PCDHGB1: variants seen among roughly 807,000 people sequenced by gnomAD.
PCDHGB1 encodes the protein protocadherin gamma subfamily B, 1, also known as protocadherin gamma-B1.
In PCDHGB1, 34 loss-of-function variants were observed where a neutral mutation model predicts 56.6. The ratio of observed to expected loss-of-function variants is 0.60; its 90% CI spans 0.46 to 0.80. The LOEUF (loss-of-function observed/expected upper bound fraction) is 0.80. Among genes scored for constraint, PCDHGB1 ranks in the 30% least tolerant of loss-of-function variants. The pLI, the probability that PCDHGB1 is intolerant of heterozygous loss-of-function variation, is 0.00. For synonymous variants in PCDHGB1, 561 were observed against 505.9 expected (o/e 1.11, Z -1.46); for missense variants, 1,278 against 1,204.6 (o/e 1.06, Z -0.90).
intron 1 of PCDHGB1, among the ~76,000 whole-genome samples, chr5:141,479,053 A>G (rs534968614): frequency 9.2e-5 from 14 of 152,334 alleles, no homozygotes; most frequent in African/African-American, 3.1e-4. Context: ...TCATTCTCAG[A>G]TAATTTTTTA....
intron 1 of PCDHGB1, among the ~76,000 whole-genome samples, chr5:141,407,687 G>A (rs866314437): frequency 1.3e-5 from 2 of 152,126 alleles, no homozygotes; most frequent in African/African-American, 2.4e-5. Context: ...TGGCTTTGTG[G>A]TGATCATTGT....
At chr5:141,495,269 CGGAGGAGGCG>C (rs2099759953) in intron 2 of PCDHGB1, among the ~76,000 whole-genome samples, 1 of 152,180 alleles carries the variant, frequency 6.6e-6, no homozygotes, top group Non-Finnish European at 1.5e-5. Context: ...AGCATTTGAC[CGGAGGAGGCG>C]GTCCGCACTC....
rs192741775 is a variant in PCDHGB1, at chr5:141,428,173, C to A, written c.2410-66634C>A. The A allele has an allele frequency of 3.2e-4, 487 of 1,514,722 alleles. 1 individual carries two copies. In the Middle Eastern group the frequency reaches 7.1e-3, roughly 22 times the overall value. The allele number at this position is 1,514,722 out of a possible 1,614,324, so 93.8% of individuals were successfully genotyped here. On this transcript the variant is annotated intron_variant, in intron 1 of 3. Transcript: ENST00000523390. The stretch of plus-strand genomic sequence containing the variant: ...GGAACCTGCTGGTTGCTGTGCGTGA[C>A]GGAGGACAGCCGCCGCTCTCTGCGC...
intron 2 of PCDHGB1, 117 bp downstream of exon 2, chr5:141,494,982 G>T: frequency 1.3e-6 from 2 of 1,563,940 alleles, no homozygotes; most frequent in Non-Finnish European, 1.7e-6. Flanking sequence ...CTCAGTTTGA[G>T]ATCCCAGGGA....
rs777990962 is a variant in PCDHGB1, at chr5:141,431,580, A to T, written c.2410-63227A>T. ...GCTACCGACCCTGACGAAGGAGTCA[A>T]TGCGGAAGTGAGGTATTCCTTCCGG... is the stretch of plus-strand genomic sequence containing the variant. On this transcript the variant is annotated intron_variant, in intron 1 of 3. Coordinates refer to ENST00000523390, the MANE Select transcript of PCDHGB1 (RefSeq NM_018922.3). The surrounding 1 kb of genome is among the most constrained non-coding windows in gnomAD (Gnocchi z 4.8). The T allele has an allele frequency of 6.2e-7, 1 of 1,614,216 alleles. No individual in the cohort carries two copies.
intron 1 of PCDHGB1, chr5:141,430,824 C>T: frequency 6.5e-7 from 1 of 1,547,704 alleles, no homozygotes; most frequent in Non-Finnish European, 8.7e-7. Flanking sequence ...CTCCTGGGGA[C>T]TCTGTGGGAG....
Position 141,491,883 on chromosome 5 carries a change from G to T in PCDHGB1, c.2410-2924G>T. On this transcript the variant is annotated intron_variant, in intron 1 of 3. Transcript: ENST00000523390. The surrounding 1 kb of genome is among the most constrained non-coding windows in gnomAD (Gnocchi z 6.9). The stretch of plus-strand genomic sequence containing the variant: ...AAACCAGAGTGGCCGATTAAGGGAT[G>T]GGGCTCCGAGCACCGGGGGTGGTGG... 1 of 1,446,756 alleles carries T rather than the reference G, an allele frequency of 6.9e-7. No individual in the cohort carries two copies. Among genetic ancestry groups the T allele is most frequent in the South Asian group, 1.5e-5 (1 of 67,644 alleles). 89.6% of individuals were successfully genotyped at this position (1,446,756 alleles called of 1,614,324 possible). A position where few individuals can be genotyped will look rare whatever the true frequency, so the allele number is the denominator to read the frequency against.
chr5:141,356,783 T>C, intron 1 of PCDHGB1: 1 of 1,613,990 alleles, frequency 6.2e-7, no homozygotes, highest in Non-Finnish European at 8.5e-7. Context: ...TTTAGAGACC[T>C]GCAGCTGCTG....
chr5:141,512,262 C>G lies in PCDHGB1; in HGVS notation c.*1089C>G, dbSNP rs925517361. On this transcript the variant is annotated 3_prime_UTR_variant, in exon 4 of 4. Transcript: ENST00000523390. ...GAGGGGCCTCTGTGGGTGCTGGGTA[C>G]TCCAGAGGTGCCACTGGTGGAAGGG... 1 of 152,712 alleles carries G rather than the reference C, an allele frequency of 6.5e-6. No homozygotes were observed. The highest frequency in any genetic ancestry group is 2.4e-5 in the African/African-American group (1 of 41,452). 9.5% of individuals were successfully genotyped at this position (152,712 alleles called of 1,614,324 possible).
chr5:141,380,086 G>T (rs1776198648), intron 1 of PCDHGB1, among the ~76,000 whole-genome samples: 1 of 151,828 alleles, frequency 6.6e-6, no homozygotes. Flanking sequence ...TTTTAGTAGA[G>T]ATGGGGTTTT....
chr5:141,355,488 C>G (rs1340330699), intron 1 of PCDHGB1: 1 of 1,614,004 alleles, frequency 6.2e-7, no homozygotes, highest in Non-Finnish European at 8.5e-7. Context: ...AGGAGCTCTG[C>G]GACAGATCTC....
At position 141,350,441 on chromosome 5, in the gene PCDHGB1, A is replaced by C; in HGVS notation, c.181A>C (p.Thr61Pro). Residue 61 changes from threonine (T) to proline (P), a missense_variant, in exon 1 of 4, where the codon ACT becomes CCT. Transcript: ENST00000523390. ...DLGLSVRELPTRKLRVSAEDY... is the reference protein window; with the variant it reads ...DLGLSVRELPPRKLRVSAEDY... The stretch of plus-strand genomic sequence containing the variant: ...GGGGCTCAGTGTCCGGGAGTTGCCA[A>C]CTCGAAAACTGCGGGTTAGTGCAGA... The C allele has an allele frequency of 6.2e-7, 1 of 1,610,702 alleles. No individual in the cohort carries two copies. The highest frequency in any genetic ancestry group is 8.5e-7 in the Non-Finnish European group (1 of 1,177,084).
rs996170329 is a variant in PCDHGB1, at chr5:141,357,841, A to G, written c.2409+5172A>G. On this transcript the variant is annotated intron_variant, in intron 1 of 3. Transcript: ENST00000523390. ...TCCTTTTTGGTCTTCATTCAGTTGT[A>G]GTTTCAGCCAGAATTTTCTAATTTT... 4 of 626,204 alleles carry G rather than the reference A, an allele frequency of 6.4e-6. No homozygotes were observed. The African/African-American group carries it at 7.4e-5, about 12-fold the overall frequency. The allele number at this position is 626,204 out of a possible 1,614,324, so 38.8% of individuals were successfully genotyped here.
intron 1 of PCDHGB1, chr5:141,423,007 G>C (rs772337723): frequency 1.9e-6 from 3 of 1,614,242 alleles, no homozygotes; most frequent in Non-Finnish European, 2.5e-6. Flanking sequence ...CAAGGTGGTT[G>C]CGGTGGACAA....
chr5:141,350,304 T>A lies in PCDHGB1; in HGVS notation c.44T>A (p.Leu15Gln). 1 of 1,521,476 alleles carries A rather than the reference T, an allele frequency of 6.6e-7. No individual in the cohort carries two copies. Among genetic ancestry groups the A allele is most frequent in the Non-Finnish European group, 8.8e-7 (1 of 1,136,788 alleles). The allele number at this position is 1,521,476 out of a possible 1,614,324, so 94.2% of individuals were successfully genotyped here. The change falls in exon 1 of 4, where the codon CTG (leucine) becomes CAG (glutamine). Residue 15 changes from leucine (L) to glutamine (Q), a missense_variant. Transcript: ENST00000523390. ...REAEMMKSQV[L>Q]FPFLLSLFCG... ...GCCGAAATGATGAAAAGTCAGGTAC[T>A]GTTTCCCTTCCTGCTGTCTTTGTTC...
chr5:141,485,151 T>G lies in PCDHGB1; in HGVS notation c.2410-9656T>G. The G allele has an allele frequency of 2.5e-6, 4 of 1,584,876 alleles. No individual in the cohort carries two copies. Among genetic ancestry groups the G allele is most frequent in the Non-Finnish European group, 3.5e-6 (4 of 1,156,528 alleles). ...GCTTCATCCGCGTCTCAGGAGCAAG[T>G]AGAGAATTAGCGGGCGGCAGCAATG... On this transcript the variant is annotated intron_variant, in intron 1 of 3. Coordinates refer to ENST00000523390, the MANE Select transcript of PCDHGB1 (RefSeq NM_018922.3). The surrounding 1 kb of genome is among the most constrained non-coding windows in gnomAD (Gnocchi z 5.7).
At chr5:141,403,281 T>A in intron 1 of PCDHGB1, 1 of 1,613,908 alleles carries the variant, frequency 6.2e-7, no homozygotes, top group Non-Finnish European at 8.5e-7. Context: ...AAAGTCCTGG[T>A]TGAAGACAGA....
At chr5:141,388,622 A>G (rs754411917) in intron 1 of PCDHGB1, 3 of 1,613,952 alleles carry the variant, frequency 1.9e-6, no homozygotes, top group South Asian at 1.1e-5. Flanking sequence ...GTCAAGACGT[A>G]TACAGGGTGA....
intron 1 of PCDHGB1, among the ~76,000 whole-genome samples, chr5:141,369,728 G>A (rs948180332): frequency 2.0e-5 from 3 of 152,180 alleles, no homozygotes; most frequent in Admixed American, 2.0e-4. Context: ...GAAGTTAGAA[G>A]TAAAGGAAAT....
Sources: gnomAD v4.1 joint callset for allele counts (sites outside exome capture counted in the v4.1 genomes callset) on GRCh38, gnomAD v4.1.1 for gene constraint, Gnocchi (gnomAD v3.1) non-coding constraint, MANE v1.5 for transcripts, NCBI Gene and HGNC (gene_info 2026-07-23, HGNC 2026-07-21) for gene names.